Variants in LTBP1 observed in about 807,000 individuals in gnomAD.
The protein encoded by LTBP1 is latent-transforming growth factor beta-binding protein 1.
A neutral mutation model predicts 207.6 loss-of-function variants in LTBP1; 129 were observed. The ratio of observed to expected loss-of-function variants is 0.62; its 90% CI spans 0.54 to 0.72. LTBP1 has a LOEUF of 0.72. LTBP1 is among the 30% of genes least tolerant of loss of function. The probability of loss-of-function intolerance (pLI) is 0.00; values close to 1 mark genes in which losing one functional copy is unlikely to be tolerated. For synonymous variants in LTBP1, 963 were observed against 833.7 expected, an observed-to-expected ratio of 1.16 and a Z score of -2.67; for missense variants, 2,281 against 2,217.2, an observed-to-expected ratio of 1.03 and a Z score of -0.58.
intron 13 of LTBP1, among the ~76,000 whole-genome samples, chr2:33,261,372 A>G (rs967220129): frequency 5.3e-5 from 8 of 152,232 alleles, no homozygotes; most frequent in Admixed American, 5.2e-4. Context: ...TAAGTAATAG[A>G]AAGCTAGTTT....
intron 9 of LTBP1, among the ~76,000 whole-genome samples, chr2:33,223,338 C>G (rs1020107932): frequency 6.6e-6 from 1 of 152,148 alleles, no homozygotes; most frequent in Non-Finnish European, 1.5e-5. Context: ...TAGAAATGCA[C>G]ATACAGTCTG....
intron 24 of LTBP1, among the ~76,000 whole-genome samples, chr2:33,330,569 T>C (rs1020563334): frequency 2.4e-4 from 36 of 151,988 alleles, no homozygotes; most frequent in African/African-American, 8.4e-4. Context: ...ATGCTTGGTT[T>C]TGAATTTTAA....
intron 31 of LTBP1, among the ~76,000 whole-genome samples, chr2:33,366,098 C>CCTCTCCCAGTTTGGA (rs1303950179): frequency 2.2e-4 from 34 of 152,314 alleles, no homozygotes; most frequent in African/African-American, 8.2e-4. Flanking sequence ...AGTTTCATCC[C>CCTCTCCCAGTTTGGA]CTCTCCCAGT....
At chr2:33,062,766 A>G (rs1183492915) in intron 3 of LTBP1, among the ~76,000 whole-genome samples, 1 of 152,148 alleles carries the variant, frequency 6.6e-6, no homozygotes, top group East Asian at 1.9e-4. Flanking sequence ...CCTCTATGCT[A>G]TGATTTTCGT....
intron 3 of LTBP1, among the ~76,000 whole-genome samples, chr2:33,084,291 C>T (rs2078621325): frequency 6.6e-6 from 1 of 152,066 alleles, no homozygotes. Context: ...GTCTGATTAC[C>T]TAATTAGTTC....
intron 31 of LTBP1, among the ~76,000 whole-genome samples, chr2:33,374,180 G>C (rs1048135536): frequency 2.0e-5 from 3 of 152,174 alleles, no homozygotes; most frequent in African/African-American, 7.2e-5. Context: ...CGGTTTAAAG[G>C]CTTTTCCAAG....
At chr2:33,260,105 A>C (rs115760816) in intron 13 of LTBP1, among the ~76,000 whole-genome samples, 1 of 152,166 alleles carries the variant, frequency 6.6e-6, no homozygotes. Context: ...AAATACTAGA[A>C]TGTTGCTTTT....
At chr2:33,311,158 C>T (rs2094181117) in intron 23 of LTBP1, among the ~76,000 whole-genome samples, 1 of 152,006 alleles carries the variant, frequency 6.6e-6, no homozygotes, top group Admixed American at 6.6e-5. Flanking sequence ...ATCTATATTA[C>T]CGGTCACACC....
intron 5 of LTBP1, among the ~76,000 whole-genome samples, chr2:33,169,717 T>G (rs1413767448): frequency 1.3e-5 from 2 of 152,116 alleles, no homozygotes; most frequent in East Asian, 3.9e-4. Context: ...GACAAAGATG[T>G]TTTCATCAAT....
intron 20 of LTBP1, among the ~76,000 whole-genome samples, chr2:33,299,533 A>T (rs1240696222): frequency 2.0e-5 from 3 of 152,180 alleles, no homozygotes; most frequent in Non-Finnish European, 4.4e-5. Flanking sequence ...CTTCACAACA[A>T]ACCTGTCATG....
In LTBP1 at chr2:33,068,590, C is replaced by T. The variant is rs571835844; in HGVS notation, c.864-41992C>T. On this transcript the variant is annotated intron_variant, in intron 3 of 33. Coordinates refer to ENST00000404816, the MANE Select transcript of LTBP1 (RefSeq NM_206943.4). ...TGCTCTAAAAATCCTCTATGCTCCACCTATTCATTCTTCCTTCTCCCCTAA... is the reference window on the plus strand; with the variant it reads ...TGCTCTAAAAATCCTCTATGCTCCATCTATTCATTCTTCCTTCTCCCCTAA... 3.3e-3 allele frequency among the ~76,000 whole-genome samples: 502 copies of T among 152,250 alleles called. 3 individuals carry two copies. Among genetic ancestry groups the T allele is most frequent in the African/African-American group, 0.012 (490 of 41,554 alleles).
chr2:33,267,421 G>C (rs2093211202), intron 15 of LTBP1, among the ~76,000 whole-genome samples: 1 of 152,230 alleles, frequency 6.6e-6, no homozygotes, highest in South Asian at 2.1e-4. Context: ...CAAGGATCCT[G>C]TGACAAAATG....
At chr2:33,279,417 G>T (rs999033467) in intron 18 of LTBP1, among the ~76,000 whole-genome samples, 2 of 152,000 alleles carry the variant, frequency 1.3e-5, no homozygotes, top group Non-Finnish European at 2.9e-5. Flanking sequence ...TGAAAAGTAA[G>T]GTGTATTTTT....
At chr2:33,092,197 G>GCACA (rs908762240) in intron 3 of LTBP1, among the ~76,000 whole-genome samples, 7 of 150,716 alleles carry the variant, frequency 4.6e-5, no homozygotes, top group African/African-American at 9.7e-5. Context: ...ACACACACGC[G>GCACA]CACACACACA....
intron 2 of LTBP1, among the ~76,000 whole-genome samples, chr2:33,004,635 C>T (rs1223843841): frequency 6.6e-6 from 1 of 150,758 alleles, no homozygotes; most frequent in East Asian, 1.9e-4. Flanking sequence ...ATTAGCCAGG[C>T]TTGTTGGTGC....
intron 3 of LTBP1, among the ~76,000 whole-genome samples, chr2:33,090,676 T>A (rs192986566): frequency 2.6e-5 from 4 of 152,190 alleles, no homozygotes; most frequent in Admixed American, 2.6e-4. Context: ...CACGTTACCC[T>A]GTTGATGATC....
At chr2:33,002,463 A>T (rs1173808934) in intron 2 of LTBP1, among the ~76,000 whole-genome samples, 1 of 152,214 alleles carries the variant, frequency 6.6e-6, no homozygotes, top group African/African-American at 2.4e-5. Flanking sequence ...GTGTGAGCAC[A>T]GATGCTGCTA....
intron 24 of LTBP1, among the ~76,000 whole-genome samples, chr2:33,323,772 A>G (rs1264642440): frequency 2.0e-5 from 3 of 152,214 alleles, no homozygotes; most frequent in Non-Finnish European, 4.4e-5. Flanking sequence ...GTACTAGGAA[A>G]CATTCTTAAT....
intron 9 of LTBP1, among the ~76,000 whole-genome samples, chr2:33,225,987 G>C (rs1448234577): frequency 6.6e-6 from 1 of 151,874 alleles, no homozygotes; most frequent in Non-Finnish European, 1.5e-5. Flanking sequence ...ATGTATTTTT[G>C]GACACCTAGG....
Sources: gnomAD v4.1 joint callset for allele counts (sites outside exome capture counted in the v4.1 genomes callset) on GRCh38, gnomAD v4.1.1 for gene constraint, MANE v1.5 for transcripts, NCBI Gene and HGNC (gene_info 2026-07-23, HGNC 2026-07-21) for gene names.